The following HTR2C variants were observed in gnomAD, a reference collection of about 807,000 sequenced individuals.
The protein encoded by HTR2C is 5-hydroxytryptamine (serotonin) receptor 2C, G protein-coupled.
Under a neutral mutation model 21.0 loss-of-function variants are expected in HTR2C, and 5 were observed. That is an observed-to-expected ratio of 0.24 (90% confidence interval 0.12 to 0.50). The LOEUF is 0.50. HTR2C is among the 20% of genes least tolerant of loss of function. HTR2C has a pLI of 0.98. For missense variants in HTR2C, 271 were observed against 371.2 expected (o/e 0.73, Z 2.22); for synonymous variants, 150 against 145.3 (o/e 1.03, Z -0.23).
intron 2 of HTR2C, among the ~76,000 whole-genome samples, chrX:114,663,805 T>C (rs1931079666): frequency 1.8e-5 from 2 of 111,592 alleles, no homozygotes; most frequent in South Asian, 7.5e-4. Context: ...AGGATCTTTG[T>C]CTCAGCAAGA....
At chrX:114,591,686 A>G (rs1429674113) in intron 1 of HTR2C, among the ~76,000 whole-genome samples, 2 of 112,094 alleles carry the variant, frequency 1.8e-5, no homozygotes, top group Non-Finnish European at 3.8e-5. Context: ...ATGAAGATGA[A>G]TAAAGAAAAG....
intron 2 of HTR2C, among the ~76,000 whole-genome samples, chrX:114,674,931 A>G (rs1014201247): frequency 1.8e-5 from 2 of 112,307 alleles, no homozygotes; most frequent in African/African-American, 6.5e-5. Flanking sequence ...ATAGTTTCAC[A>G]TCATGTGTTC....
At chrX:114,674,851 T>C (rs782058595) in intron 2 of HTR2C, among the ~76,000 whole-genome samples, 1 of 111,919 alleles carries the variant, frequency 8.9e-6, no homozygotes, top group Non-Finnish European at 1.9e-5. Flanking sequence ...CTATACTGTC[T>C]CCAGATAGTT....
intron 2 of HTR2C, among the ~76,000 whole-genome samples, chrX:114,689,620 A>AT (rs1394191442): frequency 2.7e-5 from 3 of 110,122 alleles, no homozygotes. Flanking sequence ...GATGTTAAGC[A>AT]TTTTTTTTCA....
intron 1 of HTR2C, among the ~76,000 whole-genome samples, chrX:114,604,216 T>C (rs1233459056): frequency 9.1e-6 from 1 of 109,524 alleles, no homozygotes; most frequent in African/African-American, 3.3e-5. Flanking sequence ...CAATGAGATT[T>C]AGCTGTAGTC....
chrX:114,726,053 C>G (rs1556421867), intron 2 of HTR2C, among the ~76,000 whole-genome samples: 1 of 112,139 alleles, frequency 8.9e-6, no homozygotes, highest in African/African-American at 3.2e-5. Flanking sequence ...CCAGTTCGAG[C>G]TTCCGGGCTG....
rs782693876 is a variant in HTR2C, at chrX:114,677,345, A to T, written c.-79-49513A>T. 1.3e-4 allele frequency among the ~76,000 whole-genome samples: 14 copies of T among 111,816 alleles called. No homozygotes were observed. The East Asian group carries it at 2.8e-3, about 22-fold the overall frequency. On this transcript the variant is annotated intron_variant, in intron 2 of 5. Transcript: ENST00000276198. ...TAGATGAAAGTTGATGAGGGCCTAG[A>T]TAAAAGGAAGAGACAGATTCAGACA...
At chrX:114,718,261 T>C (rs1556420072) in intron 2 of HTR2C, among the ~76,000 whole-genome samples, 2 of 111,893 alleles carry the variant, frequency 1.8e-5, no homozygotes, top group Non-Finnish European at 3.8e-5. Flanking sequence ...TTTTTAAAAT[T>C]ATTTTTGCTT....
intron 2 of HTR2C, among the ~76,000 whole-genome samples, chrX:114,689,914 G>A (rs1556414886): frequency 2.7e-5 from 3 of 111,353 alleles, no homozygotes; most frequent in African/African-American, 6.5e-5. Flanking sequence ...GGGATCATTG[G>A]CTGTCATTTG....
At chrX:114,888,432 C>T (rs974162711) in intron 5 of HTR2C, among the ~76,000 whole-genome samples, 1 of 111,760 alleles carries the variant, frequency 8.9e-6, no homozygotes, top group East Asian at 2.8e-4. Context: ...GTAGAGTGCC[C>T]GCTTCTCAGC....
At chrX:114,584,732 G>A (rs868920968) in intron 1 of HTR2C, 73 bp downstream of exon 1, 1 of 111,108 alleles carries the variant, frequency 9.0e-6, no homozygotes, top group Non-Finnish European at 1.9e-5. Context: ...GTGGGGAGCG[G>A]GGACAGGTCC....
At chrX:114,730,052 C>A (rs2497542) in intron 3 of HTR2C, among the ~76,000 whole-genome samples, 1 of 110,382 alleles carries the variant, frequency 9.1e-6, no homozygotes, top group Admixed American at 9.7e-5. Flanking sequence ...ACATAAATCA[C>A]TCATTCACAG....
At chrX:114,642,253 A>G (rs1556406629) in intron 2 of HTR2C, among the ~76,000 whole-genome samples, 1 of 112,204 alleles carries the variant, frequency 8.9e-6, no homozygotes, top group Non-Finnish European at 1.9e-5. Flanking sequence ...TTCTTTGGGT[A>G]TATACCCAAT....
chrX:114,758,776 T>C (rs2069838316), intron 4 of HTR2C, among the ~76,000 whole-genome samples: 1 of 111,559 alleles, frequency 9.0e-6, no homozygotes, highest in East Asian at 2.8e-4. Context: ...GATACAGAGG[T>C]AAGAATTACA....
intron 2 of HTR2C, among the ~76,000 whole-genome samples, chrX:114,700,017 G>A (rs73638460): frequency 0.034 from 3,797 of 111,660 alleles, 173 homozygotes; most frequent in African/African-American, 0.12. Flanking sequence ...AAATATGAGC[G>A]TAATAAATAG....
chrX:114,619,106 G>C (rs1929056655), intron 2 of HTR2C, among the ~76,000 whole-genome samples: 1 of 111,393 alleles, frequency 9.0e-6, no homozygotes, highest in African/African-American at 3.3e-5. Flanking sequence ...TGTGTTGCAA[G>C]TTTCTTAGCA....
chrX:114,604,524 G>A (rs1257859247), intron 1 of HTR2C, among the ~76,000 whole-genome samples: 1 of 110,060 alleles, frequency 9.1e-6, no homozygotes, highest in Non-Finnish European at 1.9e-5. Context: ...CATCTGTGAT[G>A]GTCTAGGGGG....
intron 2 of HTR2C, among the ~76,000 whole-genome samples, chrX:114,722,892 T>G (rs1291495435): frequency 2.7e-5 from 3 of 109,158 alleles, no homozygotes; most frequent in African/African-American, 6.6e-5. Flanking sequence ...ATAAGCTTTT[T>G]GATGTGCTGC....
chrX:114,879,618 C>G (rs1304512081), intron 5 of HTR2C, among the ~76,000 whole-genome samples: 1 of 110,505 alleles, frequency 9.0e-6, no homozygotes, highest in Admixed American at 9.7e-5. Flanking sequence ...CCTATCCTTT[C>G]CCCTGAGTCT....
Sources: allele counts gnomAD v4.1 joint callset (sites outside exome capture counted in the v4.1 genomes callset), GRCh38; gene constraint gnomAD v4.1.1; transcripts MANE v1.5; gene names NCBI Gene and HGNC (gene_info 2026-07-23, HGNC 2026-07-21).